The following PATJ variants were observed in gnomAD, a reference collection of about 807,000 sequenced individuals.
PATJ encodes PATJ crumbs cell polarity complex component.
In PATJ, 190 loss-of-function variants were observed where a neutral mutation model predicts 224.9. That is an observed-to-expected ratio of 0.84 (90% CI 0.75 to 0.95). The LOEUF (loss-of-function observed/expected upper bound fraction) is 0.95, where lower values mean the gene tolerates loss of function less well. Among genes scored for constraint, PATJ ranks in the 40% least tolerant of loss-of-function variants. The pLI is 0.00. For missense variants in PATJ, 2,121 were observed against 2,270.3 expected, an observed-to-expected ratio of 0.93 and a Z score of 1.34; for synonymous variants, 769 against 820.3, an observed-to-expected ratio of 0.94 and a Z score of 1.07.
At chr1:62,083,958 A>G (rs1570510826) in intron 32 of PATJ, among the ~76,000 whole-genome samples, 2 of 152,278 alleles carry the variant, frequency 1.3e-5, no homozygotes, top group East Asian at 3.9e-4. Context: ...GTATTTTAAG[A>G]TTTTAAAACT....
At chr1:61,955,479 C>T (rs982538936) in intron 27 of PATJ, among the ~76,000 whole-genome samples, 4 of 152,072 alleles carry the variant, frequency 2.6e-5, no homozygotes, top group Non-Finnish European at 5.9e-5. Context: ...TGCTACAAGC[C>T]TGGCTTGTAG....
chr1:61,999,209 A>G (rs546418658), intron 28 of PATJ, among the ~76,000 whole-genome samples: 1 of 152,128 alleles, frequency 6.6e-6, no homozygotes, highest in Non-Finnish European at 1.5e-5. Context: ...TGTCTTCCAT[A>G]ACCTACTGGG....
chr1:61,898,237 G>T (rs1327851683), intron 22 of PATJ, among the ~76,000 whole-genome samples: 1 of 152,078 alleles, frequency 6.6e-6, no homozygotes, highest in African/African-American at 2.4e-5. Context: ...TTACTTTATA[G>T]GTTAGAGGGA....
intron 31 of PATJ, among the ~76,000 whole-genome samples, chr1:62,065,288 G>C (rs1044636418): frequency 1.3e-5 from 2 of 152,084 alleles, no homozygotes; most frequent in Non-Finnish European, 2.9e-5. Context: ...AAAGACAGCA[G>C]AAATGTAGGC....
chr1:62,154,615 G>A (rs57176838), intron 43 of PATJ, among the ~76,000 whole-genome samples: 27,774 of 142,810 alleles, frequency 0.19, 4,128 homozygotes, highest in East Asian at 0.64. Flanking sequence ...GATCCCAGAT[G>A]ATGCCACTAC....
At chr1:62,156,335 G>T (rs1240450374) in intron 43 of PATJ, among the ~76,000 whole-genome samples, 3 of 151,886 alleles carry the variant, frequency 2.0e-5, no homozygotes, top group Non-Finnish European at 2.9e-5. Flanking sequence ...TTTAGGACCA[G>T]CCTGGCCAAC....
At chr1:62,014,872 A>C (rs889437731) in intron 28 of PATJ, among the ~76,000 whole-genome samples, 1 of 152,316 alleles carries the variant, frequency 6.6e-6, no homozygotes, top group African/African-American at 2.4e-5. Context: ...TGGCCACTGC[A>C]TGATTTCTTT....
intron 27 of PATJ, among the ~76,000 whole-genome samples, chr1:61,980,461 GTGTGTGTGTGTGTGTGTGGTA>G: frequency 6.7e-6 from 1 of 150,266 alleles, no homozygotes; most frequent in East Asian, 1.9e-4. Flanking sequence ...GTGTGTGTGT[GTGTGTGTGTGTGTGTGTGGTA>G]TGCATTTTCA....
intron 16 of PATJ, among the ~76,000 whole-genome samples, chr1:61,831,167 G>A (rs1344155867): frequency 7.1e-6 from 1 of 140,328 alleles, no homozygotes; most frequent in Non-Finnish European, 1.5e-5. Flanking sequence ...CAGCCTGAGT[G>A]ACAGAGCGAG....
At chr1:61,848,503 C>T (rs1225534810) in intron 17 of PATJ, among the ~76,000 whole-genome samples, 1 of 152,118 alleles carries the variant, frequency 6.6e-6, no homozygotes, top group East Asian at 1.9e-4. Context: ...TATAAAAGAA[C>T]CTTTCCTTTG....
intron 27 of PATJ, among the ~76,000 whole-genome samples, chr1:61,952,564 G>A (rs969505553): frequency 3.9e-5 from 6 of 152,198 alleles, no homozygotes; most frequent in Non-Finnish European, 8.8e-5. Flanking sequence ...ATATGCATGT[G>A]CAAGGTGATT....
At chr1:61,832,173 T>G (rs1339509032) in intron 16 of PATJ, among the ~76,000 whole-genome samples, 3 of 152,018 alleles carry the variant, frequency 2.0e-5, no homozygotes, top group Non-Finnish European at 4.4e-5. Context: ...GGGGCCTACT[T>G]GGGGGTAGAG....
chr1:62,036,776 G>A (rs1650458301), intron 29 of PATJ, among the ~76,000 whole-genome samples: 1 of 146,898 alleles, frequency 6.8e-6, no homozygotes, highest in Non-Finnish European at 1.5e-5. Context: ...GGAGGCTGAG[G>A]CAGGAAAATC....
At chr1:62,061,053 G>A (rs1160459995) in intron 31 of PATJ, among the ~76,000 whole-genome samples, 1 of 152,068 alleles carries the variant, frequency 6.6e-6, no homozygotes, top group African/African-American at 2.4e-5. Flanking sequence ...GGCATATTGT[G>A]TGATGCTGAG....
At chr1:61,908,782 T>C (rs943279573) in intron 25 of PATJ, among the ~76,000 whole-genome samples, 2 of 152,228 alleles carry the variant, frequency 1.3e-5, no homozygotes, top group African/African-American at 4.8e-5. Context: ...GCAGGTTACT[T>C]TTCTGAGCCA....
At chr1:62,064,263 T>A (rs1409774259) in intron 31 of PATJ, among the ~76,000 whole-genome samples, 1 of 152,088 alleles carries the variant, frequency 6.6e-6, no homozygotes, top group Non-Finnish European at 1.5e-5. Context: ...GATAATATGG[T>A]TTTTGTTTTT....
rs537235249 is a variant in PATJ at position 61,806,536 on chromosome 1, G to T, written c.1626+1012G>T. On this transcript the variant is annotated intron_variant, in intron 13 of 43. Coordinates refer to ENST00000642238, the MANE Select transcript of PATJ (RefSeq NM_001350145.3). ...CGGGAGACTGAGGCAGGAGAATGGC[G>T]TGAACCTGGGAGGTGGAGCTTGCAG... is the stretch of plus-strand genomic sequence containing the variant. Among the ~76,000 whole-genome samples, 287 of 151,350 alleles carry T rather than the reference G, an allele frequency of 1.9e-3. 3 individuals are homozygous for T. Among genetic ancestry groups the T allele is most frequent in the South Asian group, 4.2e-3 (20 of 4,776 alleles).
chr1:61,957,631 C>G (rs77083820), intron 27 of PATJ, among the ~76,000 whole-genome samples: 7,340 of 152,158 alleles, frequency 0.048, 598 homozygotes, highest in African/African-American at 0.17. Flanking sequence ...CACTTTGTGA[C>G]CCGTGAACCT....
chr1:61,831,082 G>T (rs753714627), intron 16 of PATJ, among the ~76,000 whole-genome samples: 1 of 151,804 alleles, frequency 6.6e-6, no homozygotes, highest in African/African-American at 2.4e-5. Context: ...AGCTACTTGG[G>T]GGGGCTGAGG....
Sources: gnomAD v4.1 joint callset for allele counts (sites outside exome capture counted in the v4.1 genomes callset) on GRCh38, gnomAD v4.1.1 for gene constraint, MANE v1.5 for transcripts, NCBI Gene and HGNC (gene_info 2026-07-23, HGNC 2026-07-21) for gene names.